Variants in CSMD1 observed in about 807,000 individuals in gnomAD.
CSMD1 encodes CUB and sushi domain-containing protein 1.
In CSMD1, 213 loss-of-function variants were observed where a neutral mutation model predicts 417.5. The observed-to-expected ratio is 0.51, with a 90% CI of 0.46 to 0.57. The LOEUF (loss-of-function observed/expected upper bound fraction) is 0.57. CSMD1 is among the 20% of genes least tolerant of loss of function. CSMD1 has a pLI of 0.00. For synonymous variants in CSMD1, 2,862 were observed against 1,736.8 expected, an observed-to-expected ratio of 1.65 and a Z score of -16.11; for missense variants, 6,923 against 4,529.7, an observed-to-expected ratio of 1.53 and a Z score of -15.17.
intron 17 of CSMD1, among the ~76,000 whole-genome samples, chr8:3,393,580 G>C (rs1365612019): frequency 1.3e-5 from 2 of 152,026 alleles, no homozygotes; most frequent in African/African-American, 2.4e-5. Flanking sequence ...CAAAGACTTG[G>C]AAACAACCCA....
chr8:4,913,426 C>T (rs138857691), intron 1 of CSMD1, among the ~76,000 whole-genome samples: 9 of 152,216 alleles, frequency 5.9e-5, no homozygotes, highest in African/African-American at 2.2e-4. Context: ...CTTGGACACT[C>T]AGTGAATATT....
In CSMD1 at chr8:3,901,043, G is replaced by A. The variant is rs117390329; in HGVS notation, c.818+96860C>T. 1.3e-3 allele frequency among the ~76,000 whole-genome samples: 199 copies of A among 152,252 alleles called. 4 individuals are homozygous for A. In the East Asian group the frequency reaches 0.032, roughly 25 times the overall value. On this transcript the variant is annotated intron_variant, in intron 5 of 69. Transcript: ENST00000635120. ...ATTGACATTACTTTGGTAATAAGATGGCTTTTAATAACGATTTTGTAGTAA... is the reference window on the plus strand; with the variant it reads ...ATTGACATTACTTTGGTAATAAGATAGCTTTTAATAACGATTTTGTAGTAA...
intron 7 of CSMD1, among the ~76,000 whole-genome samples, chr8:3,682,876 G>C (rs924643740): frequency 1.2e-4 from 19 of 152,148 alleles, no homozygotes; most frequent in African/African-American, 4.3e-4. Context: ...AAAATGAAGA[G>C]TTCATGTCAT....
In CSMD1 at chr8:4,971,475, G is replaced by C. The variant is rs79586480; in HGVS notation, c.85+22857C>G. ...TGAAAGGAAAGCTGGCAGACAGGTG[G>C]TATTTGCCATAATTATTATAAAACT... is the stretch of plus-strand genomic sequence containing the variant. On this transcript the variant is annotated intron_variant, in intron 1 of 69. Coordinates refer to ENST00000635120, the MANE Select transcript of CSMD1 (RefSeq NM_033225.6). Among the ~76,000 whole-genome samples the C allele has an allele frequency of 7.0e-4, 106 of 152,056 alleles. 1 individual carries two copies. The East Asian group carries it at 0.014, about 20-fold the overall frequency.
chr8:4,504,522 C>T (rs375718760), intron 2 of CSMD1, among the ~76,000 whole-genome samples: 8 of 152,058 alleles, frequency 5.3e-5, no homozygotes, highest in South Asian at 2.1e-4. Context: ...CATGCAGGTT[C>T]GTTACATAAA....
chr8:4,805,376 T>C (rs10106620), intron 1 of CSMD1, among the ~76,000 whole-genome samples: 75,005 of 152,060 alleles, frequency 0.49, 18,772 homozygotes, highest in Middle Eastern at 0.57. Context: ...CTTATTCTCA[T>C]GGTGATCTAA....
chr8:3,810,719 T>G (rs992421149), intron 5 of CSMD1, among the ~76,000 whole-genome samples: 1 of 152,192 alleles, frequency 6.6e-6, no homozygotes, highest in African/African-American at 2.4e-5. Context: ...AAACATTGAA[T>G]TTGTTATGAA....
chr8:3,005,991 G>A (rs540324878), intron 52 of CSMD1, among the ~76,000 whole-genome samples: 5 of 152,198 alleles, frequency 3.3e-5, no homozygotes, highest in South Asian at 2.1e-4. Flanking sequence ...TGCCCCTGTT[G>A]GCAGACGACA....
chr8:3,113,133 G>A (rs1396848793), intron 42 of CSMD1: 1 of 152,272 alleles, frequency 6.6e-6, no homozygotes, highest in Non-Finnish European at 1.5e-5. Context: ...CCTGAAGGCG[G>A]GGTTCAAAGT....
intron 1 of CSMD1, among the ~76,000 whole-genome samples, chr8:4,939,022 T>C (rs948403327): frequency 1.3e-5 from 2 of 152,182 alleles, no homozygotes; most frequent in Admixed American, 1.3e-4. Context: ...ATAGGAATGT[T>C]TTCTACGTGT....
At chr8:4,243,407 T>G (rs1461476686) in intron 3 of CSMD1, among the ~76,000 whole-genome samples, 2 of 152,322 alleles carry the variant, frequency 1.3e-5, no homozygotes, top group South Asian at 4.1e-4. Flanking sequence ...ACTCATCCTC[T>G]ACTGACCACT....
At chr8:4,467,450 G>C (rs149649806) in intron 2 of CSMD1, among the ~76,000 whole-genome samples, 1 of 152,020 alleles carries the variant, frequency 6.6e-6, no homozygotes, top group African/African-American at 2.4e-5. Context: ...CTTCTAAACC[G>C]TTAATCTTGG....
intron 59 of CSMD1, among the ~76,000 whole-genome samples, chr8:2,964,794 C>T (rs1230539186): frequency 6.6e-6 from 1 of 152,098 alleles, no homozygotes; most frequent in Non-Finnish European, 1.5e-5. Context: ...CAGGATGGTC[C>T]AAGAACACGC....
At chr8:4,343,929 G>T (rs1453802029) in intron 3 of CSMD1, among the ~76,000 whole-genome samples, 1 of 152,060 alleles carries the variant, frequency 6.6e-6, no homozygotes, top group African/African-American at 2.4e-5. Flanking sequence ...GCCAAGAGAA[G>T]TGTTTTAAAA....
At chr8:3,595,531 A>G (rs996579750) in intron 8 of CSMD1, among the ~76,000 whole-genome samples, 23 of 152,290 alleles carry the variant, frequency 1.5e-4, no homozygotes, top group African/African-American at 5.1e-4. Context: ...ATTTTATGTG[A>G]TTTTTAGATA....
intron 3 of CSMD1, among the ~76,000 whole-genome samples, chr8:4,363,163 C>T (rs1264791337): frequency 6.6e-6 from 1 of 152,138 alleles, no homozygotes; most frequent in South Asian, 2.1e-4. Context: ...TTCAAACATA[C>T]CTAAACAGGC....
At chr8:2,950,949 A>C (rs1480086904) in intron 66 of CSMD1, among the ~76,000 whole-genome samples, 165 bp downstream of exon 66, 1 of 152,184 alleles carries the variant, frequency 6.6e-6, no homozygotes, top group African/African-American at 2.4e-5. Flanking sequence ...TAAGAAAATA[A>C]TACCAACCTC....
At chr8:3,155,019 G>C (rs184443039) in intron 39 of CSMD1, among the ~76,000 whole-genome samples, 13 of 152,162 alleles carry the variant, frequency 8.5e-5, no homozygotes, top group Admixed American at 8.5e-4. Context: ...TGTATACCCT[G>C]TAAAGAATTA....
At chr8:3,134,423 G>T (rs189484485) in intron 41 of CSMD1, among the ~76,000 whole-genome samples, 2 of 152,148 alleles carry the variant, frequency 1.3e-5, no homozygotes, top group Non-Finnish European at 2.9e-5. Flanking sequence ...TGTGGAGAAC[G>T]TTTGACTCTC....
Sources: gnomAD v4.1 joint callset for allele counts (sites outside exome capture counted in the v4.1 genomes callset) on GRCh38, gnomAD v4.1.1 for gene constraint, MANE v1.5 for transcripts, NCBI Gene and HGNC (gene_info 2026-07-23, HGNC 2026-07-21) for gene names.